The following MEX3C variants were observed in gnomAD, a reference collection of about 807,000 sequenced individuals.
MEX3C encodes RNA-binding E3 ubiquitin-protein ligase MEX3C.
Under a neutral mutation model 35.5 loss-of-function variants are expected in MEX3C, and 15 were observed. The observed-to-expected ratio is 0.42, with a 90% CI of 0.28 to 0.65. The LOEUF (loss-of-function observed/expected upper bound fraction) is 0.65, where lower values mean the gene tolerates loss of function less well. MEX3C is among the 30% of genes least tolerant of loss of function. The pLI, the probability that MEX3C is intolerant of heterozygous loss-of-function variation, is 0.20. For synonymous variants in MEX3C, 390 were observed against 352.8 expected (o/e 1.11, Z -1.18); for missense variants, 711 against 842.8 (o/e 0.84, Z 1.94).
chr18:51,180,473 C>T (rs1912400473), intron 1 of MEX3C, among the ~76,000 whole-genome samples: 1 of 151,886 alleles, frequency 6.6e-6, no homozygotes, highest in South Asian at 2.1e-4. Context: ...CAAAGCCAAC[C>T]CTGGTTTTTT....
In MEX3C at chr18:51,178,785, G is replaced by A. The variant is rs534538017; in HGVS notation, c.755-1209C>T. ...TGAGGCAGAAGAATTGCTCGAACCC[G>A]GGGGACAGAGGTTGCAGTGAGCCGA... On this transcript the variant is annotated intron_variant, in intron 1 of 1. Transcript: ENST00000406189. Among the ~76,000 whole-genome samples the A allele has an allele frequency of 1.7e-4, 26 of 151,392 alleles. No homozygotes were observed. In the South Asian group the frequency reaches 3.8e-3, roughly 22 times the overall value.
In MEX3C at chr18:51,177,278, T is replaced by C. The variant is rs1406792590; in HGVS notation, c.1053A>G (p.Arg351=). The part of the protein sequence containing the change: ...VVGPKGATIK[R]IQQQTHTYIV... ...TGTAGGTGTGGGTCTGCTGCTGAAT[T>C]CTTTTAATAGTTGCTCCTTTGGGTC... is the stretch of plus-strand genomic sequence containing the variant. The change falls in exon 2 of 2, where the codon AGA becomes AGG. Residue 351 remains arginine (R), a synonymous_variant. Coordinates refer to ENST00000406189, the MANE Select transcript of MEX3C (RefSeq NM_016626.5). This position sits in a 1 kb window ranked among gnomAD's most constrained non-coding sequence, Gnocchi z 4.2. 6.2e-7 allele frequency: 1 copy of C among 1,614,010 alleles called. No homozygotes were observed. Among genetic ancestry groups the C allele is most frequent in the Non-Finnish European group, 8.5e-7 (1 of 1,179,888 alleles).
At chr18:51,187,559 C>T (rs998769474) in intron 1 of MEX3C, among the ~76,000 whole-genome samples, 1 of 152,122 alleles carries the variant, frequency 6.6e-6, no homozygotes, top group Admixed American at 6.6e-5. Flanking sequence ...TAAGTCCACA[C>T]TCCTTTCATC....
Position 51,174,973 on chromosome 18 carries a change from A to C in MEX3C, c.*1378T>G, listed in dbSNP as rs901674064. The C allele has an allele frequency of 1.3e-5, 2 of 152,654 alleles. No individual in the cohort carries two copies. The highest frequency in any genetic ancestry group is 2.9e-5 in the Non-Finnish European group (2 of 68,038). The allele number at this position is 152,654 out of a possible 1,614,324, so 9.5% of individuals were successfully genotyped here. A position where few individuals can be genotyped will look rare whatever the true frequency, so the allele number is the denominator to read the frequency against. ...TAGGTTTCAATACTGACCATTTACT[A>C]TCCTACAAGCAATTAGCATTACATC... On this transcript the variant is annotated 3_prime_UTR_variant, in exon 2 of 2. Coordinates refer to ENST00000406189, the MANE Select transcript of MEX3C (RefSeq NM_016626.5).
chr18:51,183,360 C>T (rs1912469166), intron 1 of MEX3C, among the ~76,000 whole-genome samples: 1 of 152,116 alleles, frequency 6.6e-6, no homozygotes, highest in Non-Finnish European at 1.5e-5. Flanking sequence ...AGAAAAAGCA[C>T]CATGTGATAA....
chr18:51,177,479 T>A lies in MEX3C; in HGVS notation c.852A>T (p.Glu284Asp). 2 of 1,614,048 alleles carry A rather than the reference T, an allele frequency of 1.2e-6. No individual in the cohort carries two copies. The highest frequency in any genetic ancestry group is 1.7e-6 in the Non-Finnish European group (2 of 1,179,904). The change falls in exon 2 of 2, where the codon GAA (glutamate) becomes GAT (aspartate). Residue 284 changes from glutamate (E) to aspartate (D), a missense_variant. Physicochemically the swap from Glu to Asp is conservative, Grantham distance 45. Coordinates refer to ENST00000406189, the MANE Select transcript of MEX3C (RefSeq NM_016626.5). The surrounding 1 kb of genome is among the most constrained non-coding windows in gnomAD (Gnocchi z 4.2). ...EPIFVVTGRKEDVAMAKREIL... is the reference protein window; with the variant it reads ...EPIFVVTGRKDDVAMAKREIL... ...TCTCTCTTTTGGCCATGGCAACATCTTCTTTCCTTCCAGTGACAACAAAAA... is the reference window on the plus strand; with the variant it reads ...TCTCTCTTTTGGCCATGGCAACATCATCTTTCCTTCCAGTGACAACAAAAA...
At chr18:51,187,133 C>T (rs1465776756) in intron 1 of MEX3C, among the ~76,000 whole-genome samples, 1 of 152,172 alleles carries the variant, frequency 6.6e-6, no homozygotes, top group Non-Finnish European at 1.5e-5. Flanking sequence ...CAGACTTCAT[C>T]CCCCAAACAT....
intron 1 of MEX3C, among the ~76,000 whole-genome samples, chr18:51,188,437 A>AC (rs1157435145): frequency 6.6e-6 from 1 of 151,646 alleles, no homozygotes; most frequent in Non-Finnish European, 1.5e-5. Context: ...ACATAGTAAA[A>AC]CCCCGTCTCT....
intron 1 of MEX3C, among the ~76,000 whole-genome samples, chr18:51,187,715 A>C (rs1278989925): frequency 2.0e-5 from 3 of 152,204 alleles, no homozygotes; most frequent in African/African-American, 7.2e-5. Context: ...TCTCAAAAAA[A>C]ACAAAAACAA....
intron 1 of MEX3C, among the ~76,000 whole-genome samples, chr18:51,190,372 TG>T (rs1912626328): frequency 6.6e-6 from 1 of 152,210 alleles, no homozygotes; most frequent in Non-Finnish European, 1.5e-5. Context: ...ACTTTTACAT[TG>T]GTAACCATTT....
At chr18:51,190,040 T>C (rs1258029838) in intron 1 of MEX3C, among the ~76,000 whole-genome samples, 2 of 152,190 alleles carry the variant, frequency 1.3e-5, no homozygotes, top group Admixed American at 1.3e-4. Flanking sequence ...TACTTTCAAT[T>C]GTACTGTCAA....
chr18:51,180,376 G>C (rs1358597780), intron 1 of MEX3C, among the ~76,000 whole-genome samples: 1 of 152,152 alleles, frequency 6.6e-6, no homozygotes, highest in Non-Finnish European at 1.5e-5. Context: ...CTTGAGACAG[G>C]GGAGAAAGAC....
intron 1 of MEX3C, among the ~76,000 whole-genome samples, chr18:51,179,116 G>A (rs1912368777): frequency 6.6e-6 from 1 of 151,146 alleles, no homozygotes; most frequent in South Asian, 2.1e-4. Context: ...TGATTCTCCT[G>A]CCCCAGCCAC....
In MEX3C at chr18:51,197,219, CGGCGGCAGA is replaced by C. The variant is rs935009286; in HGVS notation, c.93_101del (p.Leu32_Pro34del). 1.1e-4 allele frequency: 106 copies of C among 1,003,200 alleles called. No individual in the cohort carries two copies. The African/African-American group carries it at 1.1e-3, about 11-fold the overall frequency. The allele number at this position is 1,003,200 out of a possible 1,614,324, so 62.1% of individuals were successfully genotyped here. On this transcript the variant is annotated inframe_deletion, in exon 1 of 2. Coordinates refer to ENST00000406189, the MANE Select transcript of MEX3C (RefSeq NM_016626.5). ...CCTCGAGCTCCGGGCCGCCCGAGGG[CGGCGGCAGA>C]GGCGGCGGTGGCGGCGGCGGCGGCG... is the stretch of plus-strand genomic sequence containing the variant.
chr18:51,193,945 A>G (rs769113889), intron 1 of MEX3C: 6 of 152,228 alleles, frequency 3.9e-5, no homozygotes, highest in African/African-American at 9.7e-5. Context: ...TCCAAAATCA[A>G]TTAAGAGATG....
At chr18:51,184,800 A>G (rs7230871) in intron 1 of MEX3C, among the ~76,000 whole-genome samples, 17,151 of 152,030 alleles carry the variant, frequency 0.11, 1,234 homozygotes, top group African/African-American at 0.2. Context: ...TCAAGGCTGC[A>G]GAGATCCGAG....
At chr18:51,185,736 G>A (rs1478058309) in intron 1 of MEX3C, among the ~76,000 whole-genome samples, 7 of 152,120 alleles carry the variant, frequency 4.6e-5, no homozygotes, top group Non-Finnish European at 2.9e-5. Flanking sequence ...GGAATCACGG[G>A]CATTGGAATA....
rs11539302 is a variant in MEX3C, at chr18:51,174,755, G to A, written c.*1596C>T. Reference sequence around the variant, plus strand: ...ACTTCCCTACATATACATAACAAAAGAGTGTAGTAAAATTAGCAAATACTA... The same window carrying A: ...ACTTCCCTACATATACATAACAAAAAAGTGTAGTAAAATTAGCAAATACTA... On this transcript the variant is annotated 3_prime_UTR_variant, in exon 2 of 2. Coordinates refer to ENST00000406189, the MANE Select transcript of MEX3C (RefSeq NM_016626.5). 6.6e-6 allele frequency: 1 copy of A among 152,454 alleles called. No homozygotes were observed. The highest frequency in any genetic ancestry group is 1.5e-5 in the Non-Finnish European group (1 of 67,998). 9.4% of individuals were successfully genotyped at this position (152,454 alleles called of 1,614,324 possible). A position where few individuals can be genotyped will look rare whatever the true frequency, so the allele number is the denominator to read the frequency against.
At chr18:51,189,104 T>G (rs962777168) in intron 1 of MEX3C, among the ~76,000 whole-genome samples, 22 of 152,338 alleles carry the variant, frequency 1.4e-4, no homozygotes, top group African/African-American at 5.1e-4. Flanking sequence ...CACATGTAGT[T>G]TTTGCACAGT....
Sources: gnomAD v4.1 joint callset for allele counts (sites outside exome capture counted in the v4.1 genomes callset) on GRCh38, gnomAD v4.1.1 for gene constraint, Gnocchi (gnomAD v3.1) non-coding constraint, MANE v1.5 for transcripts, NCBI Gene and HGNC (gene_info 2026-07-23, HGNC 2026-07-21) for gene names.